FAM193A: variants seen among roughly 807,000 people sequenced by gnomAD.
FAM193A encodes the protein family with sequence similarity 193 member A.
Under a neutral mutation model 126.5 loss-of-function variants are expected in FAM193A, and 22 were observed. The observed-to-expected ratio is 0.17, with a 90% confidence interval of 0.12 to 0.25. The LOEUF is 0.25. Ranked by LOEUF, FAM193A falls within the 10% of genes least tolerant of loss-of-function variation. FAM193A has a pLI of 1.00. For synonymous variants in FAM193A, 761 were observed against 646.8 expected, an observed-to-expected ratio of 1.18 and a Z score of -2.68; for missense variants, 1,675 against 1,672.8, an observed-to-expected ratio of 1.00 and a Z score of -0.02.
chr4:2,584,750 C>A (rs934987180), intron 1 of FAM193A, among the ~76,000 whole-genome samples: 1 of 151,882 alleles, frequency 6.6e-6, no homozygotes, highest in South Asian at 2.1e-4. Flanking sequence ...CATAGTGAAA[C>A]CCCATCTTTA....
At chr4:2,592,620 G>A (rs935167888) in intron 1 of FAM193A, among the ~76,000 whole-genome samples, 1 of 152,238 alleles carries the variant, frequency 6.6e-6, no homozygotes, top group African/African-American at 2.4e-5. Context: ...CCTGCCTGGA[G>A]AGAGTCTGAA....
chr4:2,637,793 G>T (rs1019313524), intron 5 of FAM193A, among the ~76,000 whole-genome samples: 9 of 152,200 alleles, frequency 5.9e-5, no homozygotes. Context: ...AGGTTCACAG[G>T]GAACTTACTG....
chr4:2,580,701 T>TA (rs1444569136), intron 1 of FAM193A, among the ~76,000 whole-genome samples: 1 of 152,274 alleles, frequency 6.6e-6, no homozygotes, highest in Non-Finnish European at 1.5e-5. Flanking sequence ...TGCCATGTGA[T>TA]ACATTTGTTC....
intron 6 of FAM193A, among the ~76,000 whole-genome samples, chr4:2,640,862 G>T (rs1744551111): frequency 6.6e-6 from 1 of 151,638 alleles, no homozygotes; most frequent in South Asian, 2.1e-4. Flanking sequence ...CTACTTGGGA[G>T]TCTGAGGCAA....
chr4:2,589,962 G>A (rs998151880), intron 1 of FAM193A, among the ~76,000 whole-genome samples: 2 of 150,134 alleles, frequency 1.3e-5, no homozygotes, highest in African/African-American at 4.9e-5. Flanking sequence ...TGATGAAACC[G>A]CATCTCTACT....
chr4:2,601,134 A>G (rs1741170067), intron 2 of FAM193A, among the ~76,000 whole-genome samples: 1 of 151,974 alleles, frequency 6.6e-6, no homozygotes, highest in South Asian at 2.1e-4. Flanking sequence ...AAAACAAGAA[A>G]AATTGGCAGA....
chr4:2,709,947 C>A (rs944069341), intron 19 of FAM193A, among the ~76,000 whole-genome samples: 2 of 152,048 alleles, frequency 1.3e-5, no homozygotes, highest in Non-Finnish European at 2.9e-5. Flanking sequence ...GTAAATTATT[C>A]TTTTCAACTA....
At chr4:2,685,744 C>G (rs995470778) in intron 13 of FAM193A, among the ~76,000 whole-genome samples, 1 of 152,220 alleles carries the variant, frequency 6.6e-6, no homozygotes. Flanking sequence ...GTCTTGCACC[C>G]ATGTTCCATG....
At chr4:2,636,502 A>G (rs1423652303) in intron 5 of FAM193A, among the ~76,000 whole-genome samples, 2 of 152,158 alleles carry the variant, frequency 1.3e-5, no homozygotes. Flanking sequence ...CTGTTCCGTT[A>G]AAATCCACAG....
chr4:2,580,703 C>T (rs1739870315), intron 1 of FAM193A, among the ~76,000 whole-genome samples: 2 of 152,226 alleles, frequency 1.3e-5, no homozygotes, highest in Non-Finnish European at 2.9e-5. Context: ...CCATGTGATA[C>T]ATTTGTTCCT....
At chr4:2,679,375 C>CTTTTTTTTTTTTTTTTT (rs796366785) in intron 13 of FAM193A, among the ~76,000 whole-genome samples, 1 of 87,896 alleles carries the variant, frequency 1.1e-5, no homozygotes, top group Non-Finnish European at 2.3e-5. Context: ...AGTTTTCTTT[C>CTTTTTTTTTTTTTTTTT]TTTTTTTTTT....
At chr4:2,724,564 A>T (rs1720517217) in intron 20 of FAM193A, among the ~76,000 whole-genome samples, 1 of 152,146 alleles carries the variant, frequency 6.6e-6, no homozygotes, top group African/African-American at 2.4e-5. Flanking sequence ...GTTTATCTGA[A>T]ATAAGCCAGG....
chr4:2,726,034 G>A (rs538727047), intron 20 of FAM193A, among the ~76,000 whole-genome samples: 9 of 152,258 alleles, frequency 5.9e-5, no homozygotes, highest in Non-Finnish European at 7.4e-5. Flanking sequence ...GAGTAGCTGC[G>A]ACTACAGGCG....
intron 2 of FAM193A, among the ~76,000 whole-genome samples, chr4:2,614,390 T>C (rs2108950368): frequency 6.6e-6 from 1 of 152,348 alleles, no homozygotes; most frequent in Non-Finnish European, 1.5e-5. Context: ...GAGTTTTCCT[T>C]TTTTAGTTAA....
rs369738709 is a variant in FAM193A at position 2,659,696 on chromosome 4, C to T, written c.1502+26C>T. ...GTAAGGCTGGGTTGTGGTGTCAGCA[C>T]GACTGGCCCATTGGACCTTCACTGG... On this transcript the variant is annotated intron_variant, in intron 9 of 20. Transcript: ENST00000637812. 162 of 1,610,902 alleles carry T rather than the reference C, an allele frequency of 1.0e-4. 1 individual carries two copies. The South Asian group carries it at 1.0e-3, about 10-fold the overall frequency.
intron 13 of FAM193A, among the ~76,000 whole-genome samples, chr4:2,679,191 G>A (rs1714798759): frequency 6.6e-6 from 1 of 152,010 alleles, no homozygotes; most frequent in African/African-American, 2.4e-5. Context: ...TTTCCAGTCT[G>A]TTAATGTGGC....
rs774897240 is a variant in FAM193A at position 2,590,463 on chromosome 4, CAAA to C, written c.256-5611_256-5609del. ...CTGGTGACAGAGCGAGACTCCATCTCAAAAAAAAAAAACAAAAAAAAACAAAAA... is the reference window on the plus strand; with the variant it reads ...CTGGTGACAGAGCGAGACTCCATCTCAAAAAAAAACAAAAAAAAACAAAAA... On this transcript the variant is annotated intron_variant, in intron 1 of 20. Coordinates refer to ENST00000637812, the MANE Select transcript of FAM193A (RefSeq NM_001366318.2). Among the ~76,000 whole-genome samples, 120 of 13,574 alleles carry C rather than the reference CAAA, an allele frequency of 8.8e-3. 19 individuals carry two copies. The highest frequency in any genetic ancestry group is 0.047 in the African/African-American group (113 of 2,422). 8.9% of individuals were successfully genotyped at this position (13,574 alleles called of 152,430 possible).
At chr4:2,608,801 T>G (rs1741691539) in intron 2 of FAM193A, among the ~76,000 whole-genome samples, 1 of 152,072 alleles carries the variant, frequency 6.6e-6, no homozygotes. Context: ...TCCTTAATAG[T>G]CAGGACCAAG....
At chr4:2,729,812 A>G (rs1041882369) in intron 20 of FAM193A, among the ~76,000 whole-genome samples, 3 of 152,116 alleles carry the variant, frequency 2.0e-5, no homozygotes, top group African/African-American at 7.2e-5. Flanking sequence ...AGGTTTTACC[A>G]TGTTGCCCAG....
Sources: allele counts gnomAD v4.1 joint callset (sites outside exome capture counted in the v4.1 genomes callset), GRCh38; gene constraint gnomAD v4.1.1; transcripts MANE v1.5; gene names NCBI Gene and HGNC (gene_info 2026-07-23, HGNC 2026-07-21).